The following IL2RB variants were observed in gnomAD, a reference collection of about 807,000 sequenced individuals.
IL2RB encodes interleukin 2 receptor subunit beta.
Under a neutral mutation model 44.2 loss-of-function variants are expected in IL2RB, and 17 were observed. The ratio of observed to expected loss-of-function variants is 0.38; its 90% CI spans 0.26 to 0.58. The LOEUF is 0.58. Ranked by LOEUF, IL2RB falls within the 20% of genes least tolerant of loss-of-function variation. The probability of loss-of-function intolerance (pLI) is 0.63; values close to 1 mark genes in which losing one functional copy is unlikely to be tolerated. For synonymous variants in IL2RB, 286 were observed against 297.9 expected, an observed-to-expected ratio of 0.96 and a Z score of 0.41; for missense variants, 624 against 685.5, an observed-to-expected ratio of 0.91 and a Z score of 1.00.
At chr22:37,174,628 C>T (rs141269792) in intron 1 of IL2RB, among the ~76,000 whole-genome samples, 3 of 152,348 alleles carry the variant, frequency 2.0e-5, no homozygotes, top group African/African-American at 4.8e-5. Context: ...TTCTCTAACC[C>T]ATTCATATCC....
At position 37,142,510 on chromosome 22, in the gene IL2RB, C is replaced by T. The variant is rs992633708; in HGVS notation, c.206G>A (p.Arg69Gln). The T allele has an allele frequency of 1.2e-5, 19 of 1,614,098 alleles. 1 individual carries two copies. Among genetic ancestry groups the T allele is most frequent in the South Asian group, 4.4e-5 (4 of 91,078 alleles). ...CQVHAWPDRR[R>Q]WNQTCELLPV... ...GAGCAGCTCACAGGTTTGGTTCCACCGCCTTTCATGGCAAAAGACCCTCTT... is the reference window on the plus strand; with the variant it reads ...GAGCAGCTCACAGGTTTGGTTCCACTGCCTTTCATGGCAAAAGACCCTCTT... Residue 69 changes from arginine to glutamine, a missense_variant and splice_region_variant, in exon 4 of 10, where the codon CGG (arginine) becomes CAG (glutamine). This residue lies in a region of IL2RB where 255 missense variants were observed against 339.9 expected (regional missense o/e 0.75). Transcript: ENST00000216223.
intron 1 of IL2RB, among the ~76,000 whole-genome samples, chr22:37,170,624 C>T (rs986367790): frequency 6.6e-6 from 1 of 152,174 alleles, no homozygotes; most frequent in Non-Finnish European, 1.5e-5. Context: ...GGCCACCTCT[C>T]AGTCCCAAGG....
At chr22:37,163,471 C>A (rs1239098677) in intron 1 of IL2RB, among the ~76,000 whole-genome samples, 1 of 152,178 alleles carries the variant, frequency 6.6e-6, no homozygotes, top group African/African-American at 2.4e-5. Context: ...AGCAGGAGGC[C>A]TGATGCCTAC....
chr22:37,156,484 G>A (rs143863821), intron 1 of IL2RB, among the ~76,000 whole-genome samples: 1 of 152,294 alleles, frequency 6.6e-6, no homozygotes, highest in East Asian at 1.9e-4. Context: ...GCTAAATCTG[G>A]CTTGCTACTA....
intron 8 of IL2RB, among the ~76,000 whole-genome samples, chr22:37,133,434 C>A (rs1921528767): frequency 6.6e-6 from 1 of 152,156 alleles, no homozygotes; most frequent in South Asian, 2.1e-4. Flanking sequence ...GGCTATGTGA[C>A]CTTGGGCAAG....
In IL2RB at chr22:37,135,469, G is replaced by A. The variant is rs1323713547; in HGVS notation, c.704-27C>T. On this transcript the variant is annotated intron_variant, in intron 7 of 9. Transcript: ENST00000216223. ...TGCCCAGGGGTGGGAGAAACAGCAA[G>A]GAGAGGGGTTAGAGAAGTGCCCTCA... 8 of 1,477,476 alleles carry A rather than the reference G, an allele frequency of 5.4e-6. No homozygotes were observed. In the Middle Eastern group the frequency reaches 5.2e-4, roughly 95 times the overall value. The allele number at this position is 1,477,476 out of a possible 1,614,324, so 91.5% of individuals were successfully genotyped here.
intron 1 of IL2RB, among the ~76,000 whole-genome samples, chr22:37,145,632 G>A (rs1361885143): frequency 6.6e-6 from 1 of 152,032 alleles, no homozygotes; most frequent in Admixed American, 6.5e-5. Flanking sequence ...CTGCTTCCAG[G>A]AGAGGTGTTT....
upstream of IL2RB, among the ~76,000 whole-genome samples, chr22:37,151,706 A>T (rs1922494839): frequency 6.6e-6 from 1 of 152,198 alleles, no homozygotes; most frequent in South Asian, 2.1e-4. Context: ...CTCAGATTTA[A>T]GTCTTTAATC....
intron 1 of IL2RB, among the ~76,000 whole-genome samples, chr22:37,158,235 T>C (rs893362570): frequency 6.6e-6 from 1 of 152,180 alleles, no homozygotes; most frequent in African/African-American, 2.4e-5. Flanking sequence ...TCCAGTGGAA[T>C]GCCACGTAGC....
At chr22:37,168,651 G>T (rs1388557382) in intron 1 of IL2RB, among the ~76,000 whole-genome samples, 1 of 152,248 alleles carries the variant, frequency 6.6e-6, no homozygotes, top group Non-Finnish European at 1.5e-5. Context: ...AGGCACCTGA[G>T]GAAGGCTGGG....
At chr22:37,160,713 G>A (rs927417497) in intron 1 of IL2RB, among the ~76,000 whole-genome samples, 58 of 72,578 alleles carry the variant, frequency 8.0e-4, no homozygotes, top group Non-Finnish European at 1.1e-3. Flanking sequence ...GCCGGGCATG[G>A]TGGTGCATGC....
chr22:37,132,133 C>A (rs915344030), intron 9 of IL2RB, among the ~76,000 whole-genome samples: 14 of 152,284 alleles, frequency 9.2e-5, no homozygotes, highest in South Asian at 4.1e-4. Context: ...GGTGGGGAAA[C>A]TGAGGCCCAG....
At chr22:37,131,098 CAG>C (rs1921400262) in intron 9 of IL2RB, among the ~76,000 whole-genome samples, 1 of 152,190 alleles carries the variant, frequency 6.6e-6, no homozygotes, top group Non-Finnish European at 1.5e-5. Flanking sequence ...ACCCAGGAGG[CAG>C]AGTTTGCAGT....
At chr22:37,162,762 C>T (rs982622352) in intron 1 of IL2RB, among the ~76,000 whole-genome samples, 1 of 152,110 alleles carries the variant, frequency 6.6e-6, no homozygotes, top group Admixed American at 6.5e-5. Context: ...TACCACATGC[C>T]AGGGGTACTG....
At position 37,135,994 on chromosome 22, in the gene IL2RB, A is replaced by C. The variant is rs3218302; in HGVS notation, c.703+234T>G. On this transcript the variant is annotated intron_variant, in intron 7 of 9. Coordinates refer to ENST00000216223, the MANE Select transcript of IL2RB (RefSeq NM_000878.5). ...GGAGTTGGAGATTTCAGGGTGGAGAAGAGTGAAAACAGCCTTTCGACCCCT... is the reference window on the plus strand; with the variant it reads ...GGAGTTGGAGATTTCAGGGTGGAGACGAGTGAAAACAGCCTTTCGACCCCT... 4.8e-3 allele frequency among the ~76,000 whole-genome samples: 725 copies of C among 152,230 alleles called. 5 individuals are homozygous for C. The highest frequency in any genetic ancestry group is 0.017 in the African/African-American group (699 of 41,538).
intron 4 of IL2RB, among the ~76,000 whole-genome samples, chr22:37,140,210 T>C (rs1457973299): frequency 6.6e-6 from 1 of 151,992 alleles, no homozygotes; most frequent in Non-Finnish European, 1.5e-5. Flanking sequence ...GGCCAGTTCC[T>C]CTCCACCCTA....
In IL2RB at chr22:37,139,162, G is replaced by A. The variant is rs1283014725; in HGVS notation, c.343C>T (p.Arg115Ter). Reference sequence around the variant, plus strand: ...TCCTGGATGGCCATCACCCTCCATCGCACCCCCTCACGGCACAGCACCCTC... The same window carrying A: ...TCCTGGATGGCCATCACCCTCCATCACACCCCCTCACGGCACAGCACCCTC... ...TLRVLCREGVRWRVMAIQDFK... is the reference protein window; with the variant it reads ...TLRVLCREGV The change falls in exon 5 of 10, where the codon CGA (arginine) becomes TGA (stop). Residue 115 changes from arginine (R) to a stop codon, truncating the protein, a stop_gained. Transcript: ENST00000216223. LOFTEE classifies it high-confidence loss of function. 3.7e-6 allele frequency: 6 copies of A among 1,613,816 alleles called. No individual in the cohort carries two copies. Among genetic ancestry groups the A allele is most frequent in the Admixed American group, 1.7e-5 (1 of 60,006 alleles).
chr22:37,143,376 G>A (rs891501202), intron 3 of IL2RB, 145 bp downstream of exon 3: 2 of 603,822 alleles, frequency 3.3e-6, no homozygotes, highest in Non-Finnish European at 5.9e-6. Context: ...TCCAGGCCTG[G>A]GCCCCAACTC....
intron 1 of IL2RB, 81 bp from the exon 2 acceptor site, chr22:37,144,286 C>G (rs1305088292): frequency 1.4e-6 from 2 of 1,462,014 alleles, no homozygotes; most frequent in East Asian, 2.5e-5. Context: ...CTGGGCCCGC[C>G]CCCTCAGTGT....
Sources: gnomAD v4.1 joint callset for allele counts (sites outside exome capture counted in the v4.1 genomes callset) on GRCh38, gnomAD v4.1.1 for gene constraint, gnomAD v4.1.1 regional missense constraint, MANE v1.5 for transcripts, NCBI Gene and HGNC (gene_info 2026-07-23, HGNC 2026-07-21) for gene names.